The following LCORL variants were observed in gnomAD, a reference collection of about 807,000 sequenced individuals.
LCORL encodes the protein ligand-dependent nuclear receptor corepressor-like protein.
Under a neutral mutation model 141.8 loss-of-function variants are expected in LCORL, and 41 were observed. The observed-to-expected ratio is 0.29, with a 90% CI of 0.23 to 0.38. The LOEUF (loss-of-function observed/expected upper bound fraction) is 0.38, where lower values mean the gene tolerates loss of function less well. Ranked by LOEUF, LCORL falls within the 10% of genes least tolerant of loss-of-function variation. LCORL has a pLI of 1.00. For missense variants in LCORL, 1,759 were observed against 2,035.0 expected (o/e 0.86, Z 2.61); for synonymous variants, 618 against 694.1 (o/e 0.89, Z 1.72).
At chr4:17,883,530 C>T in intron 6 of LCORL, 1 of 1,322,482 alleles carries the variant, frequency 7.6e-7, no homozygotes. Flanking sequence ...AGTGAAAACC[C>T]TGAATAAAAC....
At chr4:17,864,232 ACT>A (rs1491209218) in intron 7 of LCORL, among the ~76,000 whole-genome samples, 1 of 152,022 alleles carries the variant, frequency 6.6e-6, no homozygotes, top group South Asian at 2.1e-4. Context: ...TATAGAAGCC[ACT>A]TTTTTTTTAA....
intron 7 of LCORL, among the ~76,000 whole-genome samples, chr4:17,846,936 G>A (rs76662336): frequency 6.6e-6 from 1 of 152,082 alleles, no homozygotes; most frequent in Non-Finnish European, 1.5e-5. Flanking sequence ...GGAAAGGATG[G>A]TAACATTCTT....
chr4:18,020,978 G>A (rs1349623427), intron 1 of LCORL, among the ~76,000 whole-genome samples: 2 of 152,070 alleles, frequency 1.3e-5, no homozygotes, highest in South Asian at 4.1e-4. Context: ...CCGAGCGCGA[G>A]AGGGCAGAGT....
At chr4:17,939,313 C>A (rs1486256651) in intron 4 of LCORL, among the ~76,000 whole-genome samples, 1 of 152,170 alleles carries the variant, frequency 6.6e-6, no homozygotes, top group Non-Finnish European at 1.5e-5. Context: ...GTAATTCTTA[C>A]ATATTGCTAG....
At chr4:17,966,848 T>C (rs994546654) in intron 2 of LCORL, among the ~76,000 whole-genome samples, 1 of 152,182 alleles carries the variant, frequency 6.6e-6, no homozygotes, top group Non-Finnish European at 1.5e-5. Flanking sequence ...GAATGCGAAA[T>C]GGTACAGCTA....
intron 4 of LCORL, among the ~76,000 whole-genome samples, chr4:17,913,775 C>G (rs1732945566): frequency 6.6e-6 from 1 of 152,044 alleles, no homozygotes; most frequent in Non-Finnish European, 1.5e-5. Context: ...GTTTCCTAAT[C>G]TTAAAAAAAC....
At chr4:17,964,346 T>C (rs1333723556) in intron 2 of LCORL, among the ~76,000 whole-genome samples, 1 of 152,110 alleles carries the variant, frequency 6.6e-6, no homozygotes, top group East Asian at 1.9e-4. Context: ...GATCACATCA[T>C]CTAACTTATT....
At chr4:17,878,906 TTAAC>T (rs774213137) in intron 6 of LCORL, among the ~76,000 whole-genome samples, 6 of 151,346 alleles carry the variant, frequency 4.0e-5, no homozygotes, top group East Asian at 3.9e-4. Context: ...ACATCTAACT[TTAAC>T]TAAGAACCGG....
At chr4:17,853,904 G>A (rs911361406) in intron 7 of LCORL, among the ~76,000 whole-genome samples, 8 of 152,092 alleles carry the variant, frequency 5.3e-5, no homozygotes, top group African/African-American at 1.9e-4. Context: ...TAAAAAAAGT[G>A]ATGGTATCTA....
intron 7 of LCORL, among the ~76,000 whole-genome samples, chr4:17,852,730 G>C (rs1253985060): frequency 6.6e-6 from 1 of 152,166 alleles, no homozygotes; most frequent in Non-Finnish European, 1.5e-5. Context: ...CTGAATGGAA[G>C]TTTACAGAGT....
chr4:17,845,254 T>C (rs1347532914), exon 8 of LCORL: 1 of 153,170 alleles, frequency 6.5e-6, no homozygotes, highest in Non-Finnish European at 1.5e-5. Flanking sequence ...CTTCTGTACA[T>C]ATATAACGTT....
At chr4:17,955,130 G>C (rs1421955381) in intron 4 of LCORL, among the ~76,000 whole-genome samples, 1 of 152,090 alleles carries the variant, frequency 6.6e-6, no homozygotes, top group Non-Finnish European at 1.5e-5. Context: ...TAAAGGTCAA[G>C]AAGAAGAAAA....
intron 7 of LCORL, among the ~76,000 whole-genome samples, chr4:17,850,669 C>T (rs1343759175): frequency 1.3e-5 from 2 of 150,706 alleles, no homozygotes; most frequent in Non-Finnish European, 3.0e-5. Context: ...AACACTTTGA[C>T]ACTGTTGGTG....
At chr4:17,961,870 C>A in intron 4 of LCORL, 33 bp downstream of exon 4, 1 of 1,580,038 alleles carries the variant, frequency 6.3e-7, no homozygotes, top group Non-Finnish European at 8.6e-7. Flanking sequence ...ATCTCTATTG[C>A]AAATTTTAAA....
chr4:17,852,580 T>C (rs578090909), intron 7 of LCORL, among the ~76,000 whole-genome samples: 4 of 152,196 alleles, frequency 2.6e-5, no homozygotes, highest in African/African-American at 9.6e-5. Context: ...TAAGGCCTCT[T>C]CTCTATCAAA....
chr4:17,898,658 T>TTTTTTG (rs1328344203), intron 5 of LCORL, among the ~76,000 whole-genome samples: 21 of 151,582 alleles, frequency 1.4e-4, no homozygotes, highest in African/African-American at 5.1e-4. Context: ...CACCGTTTTT[T>TTTTTTG]TTTTTTTTTT....
At chr4:18,013,308 A>G (rs369419410) in intron 1 of LCORL, among the ~76,000 whole-genome samples, 171 of 152,324 alleles carry the variant, frequency 1.1e-3, no homozygotes, top group African/African-American at 4.1e-3. Flanking sequence ...TATACTATCT[A>G]AACTATCTCT....
chr4:17,909,859 A>AT (rs1205500443), intron 4 of LCORL, among the ~76,000 whole-genome samples: 1 of 152,058 alleles, frequency 6.6e-6, no homozygotes, highest in Non-Finnish European at 1.5e-5. Context: ...TTTTCTTTTG[A>AT]TTTTTTATAT....
chr4:17,969,831 A>C (rs1715594193), intron 2 of LCORL, among the ~76,000 whole-genome samples: 1 of 152,180 alleles, frequency 6.6e-6, no homozygotes, highest in African/African-American at 2.4e-5. Context: ...GAAATGATTA[A>C]AATTAAGAGA....
Sources: allele counts gnomAD v4.1 joint callset (sites outside exome capture counted in the v4.1 genomes callset), GRCh38; gene constraint gnomAD v4.1.1; transcripts MANE v1.5; gene names NCBI Gene and HGNC (gene_info 2026-07-23, HGNC 2026-07-21).